The following LRRC74B variants were observed in gnomAD, a reference collection of about 807,000 sequenced individuals.
The protein encoded by LRRC74B is leucine-rich repeat-containing protein 74B.
A neutral mutation model predicts 16.6 loss-of-function variants in LRRC74B; 30 were observed. That is an observed-to-expected ratio of 1.80 (90% CI 1.35 to 2.45). LRRC74B has a LOEUF of 2.45. Ranked by LOEUF, LRRC74B falls within the 30% of genes most tolerant of loss-of-function variation. LRRC74B has a pLI of 0.00. For missense variants in LRRC74B, 326 were observed against 202.4 expected (o/e 1.61, Z -3.71); for synonymous variants, 134 against 86.0 (o/e 1.56, Z -3.09).
exon 1 of LRRC74B, chr22:21,046,035 G>A (rs1339066336): frequency 2.8e-6 from 2 of 717,406 alleles, no homozygotes; most frequent in Non-Finnish European, 5.2e-6. Flanking sequence ...GCAGAAAGAA[G>A]AGGCTATGGT....
intron 4 of LRRC74B, 137 bp from the exon 5 acceptor site, chr22:21,052,112 G>A: frequency 3.1e-6 from 2 of 643,684 alleles, no homozygotes; most frequent in Non-Finnish European, 5.7e-6. Context: ...AGTTCCTTAA[G>A]GGCACCGCAG....
chr22:21,059,718 T>C (rs9625442), intron 8 of LRRC74B, among the ~76,000 whole-genome samples: 4,154 of 152,314 alleles, frequency 0.027, 159 homozygotes, highest in African/African-American at 0.093. Flanking sequence ...TGAAGACTTA[T>C]AGTTCAAGGA....
chr22:21,045,958 G>C (rs1569191809), upstream of LRRC74B: 2 of 715,952 alleles, frequency 2.8e-6, no homozygotes, highest in African/African-American at 3.5e-5. Flanking sequence ...CTCCGACTCA[G>C]TGTCTGAGAC....
intron 4 of LRRC74B, among the ~76,000 whole-genome samples, chr22:21,050,501 G>A (rs530880754): frequency 7.2e-5 from 11 of 152,034 alleles, no homozygotes; most frequent in East Asian, 5.9e-4. Flanking sequence ...TGAGGTGGCC[G>A]GGCCCGGTGG....
chr22:21,054,326 C>G (rs1930308791), intron 6 of LRRC74B, among the ~76,000 whole-genome samples: 2 of 152,260 alleles, frequency 1.3e-5, no homozygotes, highest in South Asian at 4.1e-4. Flanking sequence ...AGGCAGGACC[C>G]TGACAAGTGG....
chr22:21,053,175 A>G (rs946093970), intron 5 of LRRC74B, among the ~76,000 whole-genome samples, 185 bp from the exon 6 acceptor site: 1 of 152,066 alleles, frequency 6.6e-6, no homozygotes, highest in Non-Finnish European at 1.5e-5. Context: ...GTTGACCACC[A>G]TCATCCAAGC....
exon 3 of LRRC74B, chr22:21,047,928 C>T: frequency 1.4e-6 from 1 of 717,434 alleles, no homozygotes; most frequent in African/African-American, 1.7e-5. Context: ...ATCCATATGT[C>T]AAGCGGCTGG....
Position 21,052,416 on chromosome 22 carries a change from G to A in LRRC74B, c.732+58G>A. The stretch of plus-strand genomic sequence containing the variant: ...CTGTCTGCTGGGGCCTGTCTCCCAG[G>A]GGCCACCTCCCTGTCTCTGCAGCTC... On this transcript the variant is annotated intron_variant, in intron 5 of 8. Coordinates refer to ENST00000442047, the Ensembl canonical transcript of LRRC74B. 5 of 712,734 alleles carry A rather than the reference G, an allele frequency of 7.0e-6. No homozygotes were observed. In the South Asian group the frequency reaches 7.4e-5, roughly 11 times the overall value. The allele number at this position is 712,734 out of a possible 1,614,324, so 44.2% of individuals were successfully genotyped here. A position where few individuals can be genotyped will look rare whatever the true frequency, so the allele number is the denominator to read the frequency against.
Position 21,046,130 on chromosome 22 carries a change from T to C in LRRC74B, c.139+5T>C. Reference sequence around the variant, plus strand: ...ACTCCGACCTGGAGACGGAAGGTGCTCGGGGGAGGGGGCAGGCCCGACTCC... The same window carrying C: ...ACTCCGACCTGGAGACGGAAGGTGCCCGGGGGAGGGGGCAGGCCCGACTCC... On this transcript the variant is annotated splice_donor_5th_base_variant and intron_variant, in intron 1 of 8. Transcript: ENST00000442047. 1.4e-6 allele frequency: 1 copy of C among 716,474 alleles called. No individual in the cohort carries two copies. 44.4% of individuals were successfully genotyped at this position (716,474 alleles called of 1,614,324 possible).
At chr22:21,052,227 G>T (rs1379694264) in intron 4 of LRRC74B, 22 bp from the exon 5 acceptor site, 9 of 717,326 alleles carry the variant, frequency 1.3e-5, no homozygotes, top group African/African-American at 3.5e-5. Context: ...GAGTCAGAAG[G>T]TCTCTCTTGG....
intron 7 of LRRC74B, among the ~76,000 whole-genome samples, chr22:21,055,938 G>T (rs73394592): frequency 2.0e-5 from 3 of 152,202 alleles, no homozygotes; most frequent in South Asian, 2.1e-4. Context: ...ACCTCCTGGT[G>T]GGGGGCTCCT....
Position 21,049,941 on chromosome 22 carries a change from T to G in LRRC74B, c.622+784T>G, listed in dbSNP as rs577502965. On this transcript the variant is annotated intron_variant, in intron 4 of 8. Transcript: ENST00000442047. ...GTAAGGATCACCTGAGACCCTGGGT[T>G]AGGCATGCAGATGCTGACCCTGGAC... Among the ~76,000 whole-genome samples the G allele has an allele frequency of 2.8e-4, 43 of 152,304 alleles. No homozygotes were observed. In the South Asian group the frequency reaches 3.3e-3, roughly 12 times the overall value.
At chr22:21,060,160 T>C (rs574589005) in intron 8 of LRRC74B, among the ~76,000 whole-genome samples, 3 of 152,132 alleles carry the variant, frequency 2.0e-5, no homozygotes, top group African/African-American at 7.2e-5. Context: ...CACAGTACGA[T>C]CCCATTTCTA....
At chr22:21,058,909 G>A (rs866543377) in intron 8 of LRRC74B, among the ~76,000 whole-genome samples, 1 of 152,204 alleles carries the variant, frequency 6.6e-6, no homozygotes, top group Non-Finnish European at 1.5e-5. Context: ...GTCTATCAAT[G>A]TGAGATCCTG....
chr22:21,046,268 G>T, intron 1 of LRRC74B, 143 bp downstream of exon 1: 1 of 604,186 alleles, frequency 1.7e-6, no homozygotes, highest in Non-Finnish European at 2.9e-6. Flanking sequence ...TCCCTTCATT[G>T]CTCCTGGAAG....
chr22:21,050,903 G>A (rs776175634), intron 4 of LRRC74B, among the ~76,000 whole-genome samples: 2 of 150,376 alleles, frequency 1.3e-5, no homozygotes, highest in Admixed American at 6.7e-5. Flanking sequence ...AACCAAACTG[G>A]GCAACATAGG....
Position 21,047,514 on chromosome 22 carries a change from C to T in LRRC74B, c.282+16C>T, listed in dbSNP as rs1375894743. The T allele has an allele frequency of 1.5e-5, 11 of 716,850 alleles. No individual in the cohort carries two copies. Among genetic ancestry groups the T allele is most frequent in the Admixed American group, 6.0e-5 (3 of 49,974 alleles). 44.4% of individuals were successfully genotyped at this position (716,850 alleles called of 1,614,324 possible). A position where few individuals can be genotyped will look rare whatever the true frequency, so the allele number is the denominator to read the frequency against. On this transcript the variant is annotated intron_variant, in intron 2 of 8. Coordinates refer to ENST00000442047, the Ensembl canonical transcript of LRRC74B. ...GGGGCCCCAGGTACCACTGGAGGGACACTGTATCCAGGCTTACGGGGAGAG... is the reference window on the plus strand; with the variant it reads ...GGGGCCCCAGGTACCACTGGAGGGATACTGTATCCAGGCTTACGGGGAGAG...
intron 2 of LRRC74B, 59 bp from the exon 3 acceptor site, chr22:21,047,825 G>C: frequency 1.4e-6 from 1 of 707,708 alleles, no homozygotes; most frequent in Non-Finnish European, 2.6e-6. Context: ...TGTGGAGTGG[G>C]CTGAGCCCTG....
intron 8 of LRRC74B, among the ~76,000 whole-genome samples, chr22:21,058,333 G>A (rs190557022): frequency 1.3e-5 from 2 of 152,094 alleles, no homozygotes; most frequent in African/African-American, 4.8e-5. Flanking sequence ...AACACAGAAA[G>A]GTCCCCATCT....
Sources: gnomAD v4.1 joint callset for allele counts (sites outside exome capture counted in the v4.1 genomes callset) on GRCh38, gnomAD v4.1.1 for gene constraint, MANE v1.5 for transcripts, NCBI Gene and HGNC (gene_info 2026-07-23, HGNC 2026-07-21) for gene names.